TRPM3: variants seen among roughly 807,000 people sequenced by gnomAD.
TRPM3 encodes the protein long transient receptor potential channel 3.
Under a neutral mutation model 181.2 loss-of-function variants are expected in TRPM3, and 77 were observed. That is an observed-to-expected ratio of 0.42 (90% CI 0.35 to 0.51). The LOEUF (loss-of-function observed/expected upper bound fraction) is 0.51. Ranked by LOEUF, TRPM3 falls within the 20% of genes least tolerant of loss-of-function variation. The pLI, the probability that TRPM3 is intolerant of heterozygous loss-of-function variation, is 0.01. For missense variants in TRPM3, 1,759 were observed against 2,196.7 expected (o/e 0.80, Z 3.98); for synonymous variants, 745 against 796.4 (o/e 0.94, Z 1.09).
At chr9:71,280,169 A>G (rs1450703215) in intron 1 of TRPM3, among the ~76,000 whole-genome samples, 1 of 152,098 alleles carries the variant, frequency 6.6e-6, no homozygotes, top group Non-Finnish European at 1.5e-5. Context: ...ATGGTTTCCA[A>G]CATGGTAGTT....
At chr9:71,063,420 C>T (rs1185230493) in intron 1 of TRPM3, among the ~76,000 whole-genome samples, 1 of 152,082 alleles carries the variant, frequency 6.6e-6, no homozygotes, top group Non-Finnish European at 1.5e-5. Flanking sequence ...AACTGTCAGG[C>T]CTGGATGTGT....
intron 1 of TRPM3, among the ~76,000 whole-genome samples, chr9:71,346,110 A>C (rs1055510386): frequency 6.6e-6 from 1 of 152,224 alleles, no homozygotes; most frequent in Non-Finnish European, 1.5e-5. Flanking sequence ...CTCACTCCAA[A>C]ATTGGAAACA....
At chr9:71,216,188 G>C (rs1265948679) in intron 1 of TRPM3, among the ~76,000 whole-genome samples, 1 of 152,160 alleles carries the variant, frequency 6.6e-6, no homozygotes, top group Non-Finnish European at 1.5e-5. Flanking sequence ...TTTATTAAAA[G>C]CAAGAGAATT....
In TRPM3 at chr9:71,151,106, G is replaced by A. The variant is rs187752995; in HGVS notation, c.184-286595C>T. On this transcript the variant is annotated intron_variant, in intron 1 of 24. Transcript: ENST00000357533. ...GAAATGAATAGGAGTGTGTGTGTGC[G>A]CGTGCATGCGCACTATGAGAATCCA... 9.2e-5 allele frequency among the ~76,000 whole-genome samples: 14 copies of A among 152,268 alleles called. No individual in the cohort carries two copies. In the South Asian group the frequency reaches 1.0e-3, roughly 11 times the overall value.
intron 1 of TRPM3, among the ~76,000 whole-genome samples, chr9:71,242,410 G>C (rs1389192498): frequency 6.6e-6 from 1 of 152,180 alleles, no homozygotes; most frequent in African/African-American, 2.4e-5. Context: ...GACCGGATTA[G>C]ATGGTGAAAA....
chr9:70,563,439 C>A (rs1213461361), intron 22 of TRPM3, among the ~76,000 whole-genome samples: 1 of 152,210 alleles, frequency 6.6e-6, no homozygotes, highest in Non-Finnish European at 1.5e-5. Flanking sequence ...GAAGAGGTAG[C>A]CCTACGTCCT....
intron 1 of TRPM3, among the ~76,000 whole-genome samples, chr9:71,282,089 G>GGAA (rs2084770285): frequency 2.3e-5 from 1 of 44,198 alleles, no homozygotes; most frequent in Non-Finnish European, 4.5e-5. Flanking sequence ...AGGAAAGAAA[G>GGAA]AGAGAAAGAA....
intron 1 of TRPM3, among the ~76,000 whole-genome samples, chr9:71,200,465 C>T (rs2078707045): frequency 2.0e-5 from 3 of 151,190 alleles, no homozygotes; most frequent in South Asian, 4.2e-4. Context: ...CTAAAGTTGA[C>T]AGTGGGGTGT....
intron 1 of TRPM3, among the ~76,000 whole-genome samples, chr9:71,241,701 A>G (rs1298410662): frequency 1.3e-5 from 2 of 152,242 alleles, no homozygotes; most frequent in Non-Finnish European, 2.9e-5. Context: ...AGAATAAATG[A>G]GAATTCTATT....
Position 71,063,856 on chromosome 9 carries a change from G to A in TRPM3, c.177+57322C>T, listed in dbSNP as rs536289596. Among the ~76,000 whole-genome samples the A allele has an allele frequency of 7.9e-5, 12 of 152,170 alleles. No homozygotes were observed. The South Asian group carries it at 2.1e-3, about 26-fold the overall frequency. On this transcript the variant is annotated intron_variant, in intron 1 of 25. Coordinates refer to ENST00000677713, the MANE Select transcript of TRPM3 (RefSeq NM_001366145.2). ...TCCAGGTGACATTTCCAGAGTTAAG[G>A]TGTAAGAAGAGAGATGTGGAAGAGA... is the stretch of plus-strand genomic sequence containing the variant.
intron 1 of TRPM3, among the ~76,000 whole-genome samples, chr9:71,188,847 A>G (rs2077840085): frequency 1.3e-5 from 2 of 151,952 alleles, no homozygotes; most frequent in African/African-American, 4.8e-5. Flanking sequence ...TTAAAATTGA[A>G]ACAAGGATTA....
At chr9:70,871,742 T>C (rs932988186) in intron 1 of TRPM3, among the ~76,000 whole-genome samples, 3 of 152,036 alleles carry the variant, frequency 2.0e-5, no homozygotes, top group Admixed American at 1.3e-4. Context: ...ATTATCAACC[T>C]GTTTCAGATG....
chr9:71,084,558 T>A (rs1374670935), intron 1 of TRPM3, among the ~76,000 whole-genome samples: 1 of 151,756 alleles, frequency 6.6e-6, no homozygotes, highest in African/African-American at 2.4e-5. Flanking sequence ...TAGAACTACA[T>A]CTAACCAAGG....
At position 71,038,351 on chromosome 9, in the gene TRPM3, T is replaced by C. The variant is rs145197002; in HGVS notation, c.177+82827A>G. Among the ~76,000 whole-genome samples the C allele has an allele frequency of 8.5e-5, 13 of 152,300 alleles. No homozygotes were observed. The East Asian group carries it at 1.5e-3, about 18-fold the overall frequency. On this transcript the variant is annotated intron_variant, in intron 1 of 25. Transcript: ENST00000677713. Reference sequence around the variant, plus strand: ...AGGAAAAATAACTTATTCAAGGCCATAGAAAATGTAAATGCAAGGGCTAAA... The same window carrying C: ...AGGAAAAATAACTTATTCAAGGCCACAGAAAATGTAAATGCAAGGGCTAAA...
intron 22 of TRPM3, among the ~76,000 whole-genome samples, chr9:70,572,584 G>A (rs539290627): frequency 1.6e-4 from 24 of 152,120 alleles, no homozygotes; most frequent in African/African-American, 4.6e-4. Flanking sequence ...GAGGAGTACC[G>A]GACAGATATA....
intron 1 of TRPM3, among the ~76,000 whole-genome samples, chr9:70,951,297 C>T (rs2096996211): frequency 6.6e-6 from 1 of 152,142 alleles, no homozygotes; most frequent in African/African-American, 2.4e-5. Flanking sequence ...CTAGCTCTCC[C>T]TCATTCAACA....
intron 1 of TRPM3, among the ~76,000 whole-genome samples, chr9:71,104,165 C>T (rs1029700536): frequency 6.6e-6 from 1 of 152,134 alleles, no homozygotes; most frequent in Non-Finnish European, 1.5e-5. Flanking sequence ...ATCCACCCAC[C>T]TTGGGCTCCA....
At chr9:71,360,697 T>C (rs1475362948) in intron 1 of TRPM3, among the ~76,000 whole-genome samples, 1 of 152,204 alleles carries the variant, frequency 6.6e-6, no homozygotes. Flanking sequence ...CAGCTCTCTT[T>C]GGAATCAGAT....
In TRPM3 at chr9:71,020,559, C is replaced by T. The variant is rs1370328378; in HGVS notation, c.177+100619G>A. ...AAAATGGGATGATTTATTTGCAAAA[C>T]ACATAAGCAGTAAATGGATTTACAT... On this transcript the variant is annotated intron_variant, in intron 1 of 25. Transcript: ENST00000677713. Among the ~76,000 whole-genome samples, 6 of 150,578 alleles carry T rather than the reference C, an allele frequency of 4.0e-5. No homozygotes were observed. The East Asian group carries it at 1.2e-3, about 29-fold the overall frequency.
Sources: gnomAD v4.1 joint callset for allele counts (sites outside exome capture counted in the v4.1 genomes callset) on GRCh38, gnomAD v4.1.1 for gene constraint, MANE v1.5 for transcripts, NCBI Gene and HGNC (gene_info 2026-07-23, HGNC 2026-07-21) for gene names.